The following RAD51B variants were observed in gnomAD, a reference collection of about 807,000 sequenced individuals.
The protein encoded by RAD51B is DNA repair protein RAD51 homolog 2.
RAD51B carries 38 observed loss-of-function variants against 42.2 expected under a neutral mutation model. That is an observed-to-expected ratio of 0.90 (90% CI 0.70 to 1.18). The LOEUF is 1.18. Among genes scored for constraint, RAD51B ranks in the 50% most tolerant of loss-of-function variants. RAD51B has a pLI of 0.00. For missense variants in RAD51B, 373 were observed against 400.7 expected (o/e 0.93, Z 0.59); for synonymous variants, 154 against 145.2 (o/e 1.06, Z -0.43).
At chr14:67,941,026 G>A (rs1483916930) in intron 7 of RAD51B, among the ~76,000 whole-genome samples, 1 of 152,150 alleles carries the variant, frequency 6.6e-6, no homozygotes, top group Non-Finnish European at 1.5e-5. Flanking sequence ...TGCACATGAT[G>A]CAGTATTTAA....
chr14:68,360,549 T>C (rs1219750537), intron 8 of RAD51B, among the ~76,000 whole-genome samples: 1 of 152,256 alleles, frequency 6.6e-6, no homozygotes, highest in Non-Finnish European at 1.5e-5. Context: ...TAGGTCTTTT[T>C]CATACTCATC....
intron 10 of RAD51B, among the ~76,000 whole-genome samples, chr14:68,576,436 G>C (rs1050157730): frequency 2.6e-5 from 4 of 152,232 alleles, no homozygotes; most frequent in Admixed American, 2.6e-4. Flanking sequence ...TTTGGGGAAT[G>C]AGAAGTAAAG....
At chr14:68,652,339 T>C (rs1892719863) in intron 11 of RAD51B, among the ~76,000 whole-genome samples, 2 of 152,218 alleles carry the variant, frequency 1.3e-5, no homozygotes, top group Non-Finnish European at 2.9e-5. Flanking sequence ...TCCCTGATAC[T>C]CCTACTCTCT....
At chr14:68,422,386 C>G (rs926756522) in intron 9 of RAD51B, among the ~76,000 whole-genome samples, 1 of 151,842 alleles carries the variant, frequency 6.6e-6, no homozygotes. Context: ...GGTGGTGAAA[C>G]CCCGTCTCTA....
intron 7 of RAD51B, among the ~76,000 whole-genome samples, chr14:68,029,487 C>T (rs2076007100): frequency 6.6e-6 from 1 of 152,292 alleles, no homozygotes; most frequent in African/African-American, 2.4e-5. Flanking sequence ...TTTTGGTAAT[C>T]CATAAGAAAT....
At chr14:68,182,228 T>C (rs2079072503) in intron 7 of RAD51B, among the ~76,000 whole-genome samples, 1 of 152,238 alleles carries the variant, frequency 6.6e-6, no homozygotes, top group Admixed American at 6.5e-5. Context: ...AATTAACAGC[T>C]ATGCAGTGTA....
intron 7 of RAD51B, among the ~76,000 whole-genome samples, chr14:68,050,393 A>C (rs1266687152): frequency 6.6e-6 from 1 of 152,190 alleles, no homozygotes; most frequent in Non-Finnish European, 1.5e-5. Flanking sequence ...TCAATATACC[A>C]GCATAACATA....
intron 10 of RAD51B, among the ~76,000 whole-genome samples, chr14:68,609,089 C>T (rs911362963): frequency 1.3e-5 from 2 of 152,192 alleles, no homozygotes; most frequent in African/African-American, 4.8e-5. Context: ...CACCCTGGCT[C>T]TTGTGCCCCC....
chr14:68,526,340 G>A (rs1457804447), intron 10 of RAD51B, among the ~76,000 whole-genome samples: 1 of 152,164 alleles, frequency 6.6e-6, no homozygotes, highest in African/African-American at 2.4e-5. Context: ...GTGTGTAGTA[G>A]ACTATACCAT....
intron 10 of RAD51B, chr14:68,541,549 T>G: frequency 1.0e-6 from 1 of 985,420 alleles, no homozygotes; most frequent in Non-Finnish European, 1.2e-6. Flanking sequence ...GAGGGGAAAG[T>G]TGAGTCTAGA....
intron 8 of RAD51B, among the ~76,000 whole-genome samples, chr14:68,382,983 T>C (rs2083512893): frequency 6.6e-6 from 1 of 152,232 alleles, no homozygotes; most frequent in Non-Finnish European, 1.5e-5. Context: ...ATGTTCATTG[T>C]ATTTATTTAG....
At chr14:68,473,090 T>G (rs2086166451) in intron 10 of RAD51B, among the ~76,000 whole-genome samples, 1 of 152,216 alleles carries the variant, frequency 6.6e-6, no homozygotes, top group Non-Finnish European at 1.5e-5. Context: ...TTTGAATCAG[T>G]AACCTATCAA....
At chr14:68,356,309 C>T (rs1267244565) in intron 8 of RAD51B, among the ~76,000 whole-genome samples, 4 of 151,896 alleles carry the variant, frequency 2.6e-5, no homozygotes, top group Non-Finnish European at 5.9e-5. Context: ...GTGGCGGGCG[C>T]CTGTGGTCCC....
In RAD51B at chr14:68,630,985, G is replaced by T. The variant is rs546059834; in HGVS notation, c.1037-19796G>T. Among the ~76,000 whole-genome samples the T allele has an allele frequency of 1.8e-4, 28 of 152,290 alleles. 1 individual carries two copies. Among genetic ancestry groups the T allele is most frequent in the Admixed American group, 1.5e-3 (23 of 15,306 alleles). On this transcript the variant is annotated intron_variant, in intron 10 of 11. Coordinates refer to the RAD51B transcript ENST00000488612. ...ATAAGTGGAAATGGAAAAATGAAGT[G>T]CTGATTCTCATGATAAGAAGGGCAG...
At chr14:68,303,740 T>C (rs1369372442) in intron 8 of RAD51B, among the ~76,000 whole-genome samples, 2 of 152,184 alleles carry the variant, frequency 1.3e-5, no homozygotes, top group African/African-American at 2.4e-5. Context: ...AGAGATTTCT[T>C]TGGTATACCA....
intron 7 of RAD51B, among the ~76,000 whole-genome samples, chr14:68,072,753 A>G (rs1003744278): frequency 6.6e-6 from 1 of 152,182 alleles, no homozygotes; most frequent in South Asian, 2.1e-4. Flanking sequence ...TTAGTTTCAA[A>G]TAATTTCTTG....
chr14:67,951,494 T>C (rs780549672), intron 7 of RAD51B, among the ~76,000 whole-genome samples: 22 of 152,200 alleles, frequency 1.4e-4, no homozygotes, highest in Non-Finnish European at 2.8e-4. Context: ...CAGCTTATCG[T>C]CTTCCCAGTT....
chr14:68,272,665 A>ATAT (rs2081140091), intron 7 of RAD51B, among the ~76,000 whole-genome samples: 2 of 12,476 alleles, frequency 1.6e-4, no homozygotes, highest in African/African-American at 2.9e-4. Context: ...ATATATATAT[A>ATAT]TTTTTTTTTT....
chr14:67,984,692 A>G (rs1001792260), intron 7 of RAD51B, among the ~76,000 whole-genome samples: 51 of 152,172 alleles, frequency 3.4e-4, no homozygotes, highest in African/African-American at 1.1e-3. Flanking sequence ...ACCTTCCATG[A>G]CATTCTATTC....
Sources: gnomAD v4.1 joint callset for allele counts (sites outside exome capture counted in the v4.1 genomes callset) on GRCh38, gnomAD v4.1.1 for gene constraint, MANE v1.5 for transcripts, NCBI Gene and HGNC (gene_info 2026-07-23, HGNC 2026-07-21) for gene names.